The following TBC1D14 variants were observed in gnomAD, a reference collection of about 807,000 sequenced individuals.
TBC1D14 encodes TBC1 domain family member 14, also known as TBC1 domain family, member 14.
Under a neutral mutation model 79.0 loss-of-function variants are expected in TBC1D14, and 26 were observed. The ratio of observed to expected loss-of-function variants is 0.33; its 90% CI spans 0.24 to 0.46. TBC1D14 has a LOEUF of 0.46. Among genes scored for constraint, TBC1D14 ranks in the 20% least tolerant of loss-of-function variants. The pLI is 1.00. For synonymous variants in TBC1D14, 394 were observed against 349.9 expected (o/e 1.13, Z -1.40); for missense variants, 769 against 887.6 (o/e 0.87, Z 1.70).
intron 2 of TBC1D14, among the ~76,000 whole-genome samples, chr4:6,936,824 G>T (rs4689565): frequency 0.088 from 13,441 of 152,238 alleles, 766 homozygotes; most frequent in Middle Eastern, 0.16. Flanking sequence ...CGATTGCTCT[G>T]GGTTTTTGTT....
At chr4:6,949,080 A>G (rs1713768335) in intron 2 of TBC1D14, among the ~76,000 whole-genome samples, 1 of 151,866 alleles carries the variant, frequency 6.6e-6, no homozygotes, top group South Asian at 2.1e-4. Flanking sequence ...AGGCTGAGGC[A>G]GGAAAATCAC....
rs895858552 is a variant in TBC1D14, at chr4:7,031,223, C to G, written c.*831C>G. ...AAAGGGTAGAGAAAGAGATGTGTGG[C>G]TGGGCCCTCTCCCACCTGCCTGTTC... On this transcript the variant is annotated 3_prime_UTR_variant, in exon 14 of 14. Coordinates refer to ENST00000409757, the MANE Select transcript of TBC1D14 (RefSeq NM_020773.3). 19 of 152,344 alleles carry G rather than the reference C, an allele frequency of 1.2e-4. No homozygotes were observed. The highest frequency in any genetic ancestry group is 1.2e-3 in the Admixed American group (19 of 15,288). 9.4% of individuals were successfully genotyped at this position (152,344 alleles called of 1,614,324 possible). A position where few individuals can be genotyped will look rare whatever the true frequency, so the allele number is the denominator to read the frequency against.
intron 7 of TBC1D14, among the ~76,000 whole-genome samples, chr4:7,002,420 C>T (rs891390794): frequency 6.6e-6 from 1 of 152,162 alleles, no homozygotes; most frequent in Non-Finnish European, 1.5e-5. Flanking sequence ...TTAATTTTTG[C>T]TTCTCACTGA....
chr4:6,912,297 T>A (rs145611847), intron 1 of TBC1D14, among the ~76,000 whole-genome samples: 1 of 151,720 alleles, frequency 6.6e-6, no homozygotes, highest in Admixed American at 6.6e-5. Context: ...GGAGAATCGC[T>A]TGAACCCGGG....
chr4:7,028,320 G>C (rs906312622), intron 13 of TBC1D14, among the ~76,000 whole-genome samples: 5 of 152,112 alleles, frequency 3.3e-5, no homozygotes, highest in African/African-American at 1.2e-4. Context: ...GTTAAAACTG[G>C]GTCAGATTAT....
chr4:6,992,873 T>C (rs937434770), intron 3 of TBC1D14, among the ~76,000 whole-genome samples: 1 of 152,236 alleles, frequency 6.6e-6, no homozygotes, highest in African/African-American at 2.4e-5. Flanking sequence ...TTTAGAATTG[T>C]AATGAAACCA....
intron 3 of TBC1D14, among the ~76,000 whole-genome samples, chr4:6,990,552 C>T (rs1201818207): frequency 6.6e-6 from 1 of 152,174 alleles, no homozygotes; most frequent in Non-Finnish European, 1.5e-5. Context: ...ACGAGCACAG[C>T]AAGACGGGCA....
In TBC1D14 at chr4:6,983,029, AT is replaced by A. The variant is rs567087237; in HGVS notation, c.844-11144del. Among the ~76,000 whole-genome samples, 645 of 149,162 alleles carry A rather than the reference AT, an allele frequency of 4.3e-3. 5 individuals are homozygous for A. The highest frequency in any genetic ancestry group is 0.014 in the African/African-American group (583 of 40,858). The stretch of plus-strand genomic sequence containing the variant: ...TCTGTGTACATGTCTACTTAAAAGA[AT>A]TTTTTTTTTTGAGACAAAGTCTTGT... On this transcript the variant is annotated intron_variant, in intron 3 of 13. Transcript: ENST00000409757.
intron 1 of TBC1D14, among the ~76,000 whole-genome samples, chr4:6,919,626 A>G (rs773504911): frequency 6.6e-6 from 1 of 151,564 alleles, no homozygotes; most frequent in Non-Finnish European, 1.5e-5. Flanking sequence ...CTTTATATTT[A>G]TTTATTTATT....
At chr4:6,940,934 A>G (rs147048619) in intron 2 of TBC1D14, among the ~76,000 whole-genome samples, 2 of 152,268 alleles carry the variant, frequency 1.3e-5, no homozygotes, top group East Asian at 1.9e-4. Context: ...TGAACAAATG[A>G]ATGGTAATGA....
chr4:6,987,090 GT>G, intron 3 of TBC1D14: 1 of 645,466 alleles, frequency 1.5e-6, no homozygotes, highest in Non-Finnish European at 2.0e-6. Flanking sequence ...CCCGCCCCTT[GT>G]GCCCGCCCCT....
chr4:6,945,648 C>T (rs975602116), intron 2 of TBC1D14, among the ~76,000 whole-genome samples: 1 of 149,506 alleles, frequency 6.7e-6, no homozygotes, highest in African/African-American at 2.5e-5. Flanking sequence ...ACTCAGGAGG[C>T]TGAGGCAGGA....
chr4:7,014,097 G>A (rs1721055183), intron 11 of TBC1D14, among the ~76,000 whole-genome samples: 1 of 152,190 alleles, frequency 6.6e-6, no homozygotes, highest in South Asian at 2.1e-4. Context: ...AGGAAAGAGT[G>A]AGTCTGTACA....
chr4:6,992,362 C>T (rs554904530), intron 3 of TBC1D14, among the ~76,000 whole-genome samples: 1 of 152,308 alleles, frequency 6.6e-6, no homozygotes, highest in African/African-American at 2.4e-5. Context: ...TGGGCCGGCT[C>T]AGGGCGGCAG....
rs1160331828 is a variant in TBC1D14, at chr4:6,952,830, G to GT, written c.723-14465dup. Among the ~76,000 whole-genome samples, 26 of 151,056 alleles carry GT rather than the reference G, an allele frequency of 1.7e-4. 1 individual carries two copies. In the South Asian group the frequency reaches 2.3e-3, roughly 13 times the overall value. ...TAGTGCATGCTGGTGGTTTAGACTAGTTTTTTTTTGTTGTTGTTGTTTTTG... is the reference window on the plus strand; with the variant it reads ...TAGTGCATGCTGGTGGTTTAGACTAGTTTTTTTTTTGTTGTTGTTGTTTTTG... On this transcript the variant is annotated intron_variant, in intron 2 of 13. Transcript: ENST00000409757.
At chr4:6,941,986 G>A (rs192010016) in intron 2 of TBC1D14, among the ~76,000 whole-genome samples, 6 of 152,292 alleles carry the variant, frequency 3.9e-5, no homozygotes, top group Non-Finnish European at 7.4e-5. Context: ...GGAATACACG[G>A]GCTTTGAGAA....
intron 1 of TBC1D14, among the ~76,000 whole-genome samples, chr4:6,917,303 A>G (rs772479380): frequency 6.6e-6 from 1 of 152,256 alleles, no homozygotes; most frequent in African/African-American, 2.4e-5. Context: ...AATAGTTCCC[A>G]GAAATGATGA....
chr4:6,999,040 C>T, intron 5 of TBC1D14, 45 bp from the exon 6 acceptor site: 2 of 1,581,538 alleles, frequency 1.3e-6, no homozygotes, highest in South Asian at 1.1e-5. Context: ...GGAAATGGTC[C>T]ATATCAGTTA....
In TBC1D14 at chr4:6,923,838, G is replaced by A. The variant is rs764200583; in HGVS notation, c.449G>A (p.Arg150His). The change falls in exon 2 of 14, where the codon CGC (arginine) becomes CAC (histidine). Residue 150 changes from arginine (R) to histidine (H), a missense_variant. By Grantham distance (29) the Arg-to-His change is conservative. This residue lies in a region of TBC1D14 where 402 missense variants were observed against 393.2 expected (regional missense o/e 1.02). Transcript: ENST00000409757. ...AGCCCGACCTCCAAAGCCCTGACCC[G>A]CAGCGATGATGTCTCCGTCTGCAGC... is the stretch of plus-strand genomic sequence containing the variant. ...LYSPTSKALTRSDDVSVCSVS... is the reference protein window; with the variant it reads ...LYSPTSKALTHSDDVSVCSVS... The A allele has an allele frequency of 1.1e-5, 18 of 1,614,044 alleles. No homozygotes were observed. The highest frequency in any genetic ancestry group is 2.7e-5 in the African/African-American group (2 of 74,930).
Sources: gnomAD v4.1 joint callset for allele counts (sites outside exome capture counted in the v4.1 genomes callset) on GRCh38, gnomAD v4.1.1 for gene constraint, gnomAD v4.1.1 regional missense constraint, MANE v1.5 for transcripts, NCBI Gene and HGNC (gene_info 2026-07-23, HGNC 2026-07-21) for gene names.